The following IGFL4 variants were observed in gnomAD, a reference collection of about 807,000 sequenced individuals.
IGFL4 encodes the protein insulin growth factor-like family member 4.
IGFL4 carries 12 observed loss-of-function variants against 15.4 expected under a neutral mutation model. That is an observed-to-expected ratio of 0.78 (90% CI 0.50 to 1.26). IGFL4 has a LOEUF of 1.26. Among genes scored for constraint, IGFL4 ranks in the 50% most tolerant of loss-of-function variants. The pLI is 0.00. For synonymous variants in IGFL4, 54 were observed against 55.9 expected, an observed-to-expected ratio of 0.97 and a Z score of 0.16; for missense variants, 126 against 147.8, an observed-to-expected ratio of 0.85 and a Z score of 0.76.
chr19:46,058,418 C>G (rs1394799574), intron 2 of IGFL4: 1 of 152,344 alleles, frequency 6.6e-6, no homozygotes, highest in Non-Finnish European at 1.5e-5. Flanking sequence ...TGCTTTCACT[C>G]CTGGTGTTGA....
At chr19:46,055,901 C>T (rs942505628) in intron 2 of IGFL4, among the ~76,000 whole-genome samples, 4 of 152,210 alleles carry the variant, frequency 2.6e-5, no homozygotes, top group Admixed American at 6.5e-5. Context: ...CTCAGCCTCC[C>T]GAGTAGCTAG....
At chr19:46,074,221 TC>T (rs1969572945) in intron 1 of IGFL4, among the ~76,000 whole-genome samples, 1 of 151,682 alleles carries the variant, frequency 6.6e-6, no homozygotes, top group South Asian at 2.1e-4. Context: ...TTGGGCTTCC[TC>T]CCAAGAAATC....
At chr19:46,050,539 C>T (rs939518145) in intron 2 of IGFL4, among the ~76,000 whole-genome samples, 15 of 152,168 alleles carry the variant, frequency 9.9e-5, no homozygotes, top group African/African-American at 2.9e-4. Flanking sequence ...AAAGTCTCAG[C>T]GATAGAATCA....
At chr19:46,052,918 A>T (rs1404008682) in intron 2 of IGFL4, among the ~76,000 whole-genome samples, 1 of 121,502 alleles carries the variant, frequency 8.2e-6, no homozygotes, top group Non-Finnish European at 1.6e-5. Flanking sequence ...CAAACATCCC[A>T]GGGCTCGAAG....
intron 2 of IGFL4, among the ~76,000 whole-genome samples, chr19:46,048,648 G>A (rs776833842): frequency 1.2e-4 from 18 of 151,940 alleles, no homozygotes; most frequent in Non-Finnish European, 1.8e-4. Flanking sequence ...GCCAAATCAC[G>A]AATGAACTCT....
chr19:46,065,786 A>C (rs1216305720), intron 1 of IGFL4, among the ~76,000 whole-genome samples: 1 of 152,202 alleles, frequency 6.6e-6, no homozygotes, highest in Admixed American at 6.5e-5. Context: ...TTTTCTGTAG[A>C]ATCTGTTTCT....
At chr19:46,053,157 A>C (rs1969363266) in intron 2 of IGFL4, among the ~76,000 whole-genome samples, 1 of 152,108 alleles carries the variant, frequency 6.6e-6, no homozygotes, top group Non-Finnish European at 1.5e-5. Flanking sequence ...AGTCACTTAC[A>C]CTGCAATATA....
chr19:46,054,834 A>C lies in IGFL4; in HGVS notation c.-323+5351T>G, dbSNP rs527474382. 2.6e-5 allele frequency among the ~76,000 whole-genome samples: 4 copies of C among 152,346 alleles called. No individual in the cohort carries two copies. The East Asian group carries it at 7.7e-4, about 29-fold the overall frequency. On this transcript the variant is annotated intron_variant, in intron 2 of 5. Transcript: ENST00000601672. Reference sequence around the variant, plus strand: ...AGGAATAGAAGATCTATAGTCTTCAAAGTTGGAAGATAAAGGAAGATGGCC... The same window carrying C: ...AGGAATAGAAGATCTATAGTCTTCACAGTTGGAAGATAAAGGAAGATGGCC...
chr19:46,040,095 G>A lies in IGFL4; in HGVS notation c.330+62C>T. 1.9e-6 allele frequency: 3 copies of A among 1,598,114 alleles called. No homozygotes were observed. The African/African-American group carries it at 4.0e-5, about 21-fold the overall frequency. On this transcript the variant is annotated intron_variant, in intron 3 of 3. Transcript: ENST00000377697. The surrounding 1 kb of genome is among the most constrained non-coding windows in gnomAD (Gnocchi z 4.1). ...AGACTGCACATCTGGGTGGGACATG[G>A]ACAACCAAGCTCCATTCCCTACTCC... is the stretch of plus-strand genomic sequence containing the variant.
At chr19:46,061,707 A>G (rs767141645) in intron 1 of IGFL4, among the ~76,000 whole-genome samples, 1 of 152,160 alleles carries the variant, frequency 6.6e-6, no homozygotes, top group Non-Finnish European at 1.5e-5. Flanking sequence ...TAGGCAACCC[A>G]AAGTCAATCA....
chr19:46,039,730 G>A lies in IGFL4; in HGVS notation c.*162C>T, dbSNP rs916178700. ...GTGTATAAGAATGCTTGTGATTTTT[G>A]TACATTGATTTTGTATCCTGAGACT... On this transcript the variant is annotated 3_prime_UTR_variant, in exon 4 of 4. Transcript: ENST00000377697. 3 of 612,312 alleles carry A rather than the reference G, an allele frequency of 4.9e-6. No individual in the cohort carries two copies. Among genetic ancestry groups the A allele is most frequent in the East Asian group, 5.9e-5 (2 of 33,684 alleles). The allele number at this position is 612,312 out of a possible 1,614,324, so 37.9% of individuals were successfully genotyped here. A position where few individuals can be genotyped will look rare whatever the true frequency, so the allele number is the denominator to read the frequency against.
At chr19:46,041,837 C>CTTTTT (rs11334515), upstream of IGFL4, among the ~76,000 whole-genome samples, 1,572 of 109,778 alleles carry the variant, frequency 0.014, 53 homozygotes, top group African/African-American at 0.049. Flanking sequence ...TCCTCTCTCT[C>CTTTTT]TTTTTTTTTT....
intron 1 of IGFL4, among the ~76,000 whole-genome samples, chr19:46,061,953 C>G (rs1969449290): frequency 6.6e-6 from 1 of 152,190 alleles, no homozygotes; most frequent in South Asian, 2.1e-4. Flanking sequence ...TCCCCCAAAT[C>G]AAAACCATCA....
chr19:46,042,355 G>C (rs1355402092), upstream of IGFL4, among the ~76,000 whole-genome samples: 1 of 152,160 alleles, frequency 6.6e-6, no homozygotes, highest in Admixed American at 6.5e-5. Flanking sequence ...TGCGGAAACA[G>C]ACCTATAAGA....
chr19:46,053,297 C>A (rs1046350417), intron 2 of IGFL4, among the ~76,000 whole-genome samples: 9 of 152,298 alleles, frequency 5.9e-5, no homozygotes, highest in Non-Finnish European at 1.0e-4. Flanking sequence ...TCACTGCAAC[C>A]TCCACCTCCC....
chr19:46,042,167 C>A (rs797005634), upstream of IGFL4, among the ~76,000 whole-genome samples: 21 of 140,866 alleles, frequency 1.5e-4, no homozygotes, highest in African/African-American at 5.7e-4. Flanking sequence ...ACTGGATGTC[C>A]AAGTCTTCGG....
rs183510924 is a variant in IGFL4 at position 46,052,792 on chromosome 19, C to A, written c.-323+7393G>T. On this transcript the variant is annotated intron_variant, in intron 2 of 5. Coordinates refer to the IGFL4 transcript ENST00000601672. ...ATCAATTGCTTTGCAGACATGAAAA[C>A]TATTAACACATACTTAAAATGTACA... 1.0e-4 allele frequency among the ~76,000 whole-genome samples: 15 copies of A among 149,548 alleles called. No homozygotes were observed. The East Asian group carries it at 2.9e-3, about 29-fold the overall frequency.
chr19:46,077,549 C>G (rs1356037374), upstream of IGFL4, among the ~76,000 whole-genome samples: 1 of 152,218 alleles, frequency 6.6e-6, no homozygotes, highest in African/African-American at 2.4e-5. This position sits in a 1 kb window ranked among gnomAD's most constrained non-coding sequence, Gnocchi z 5.4. Flanking sequence ...GTGTCCAGAG[C>G]GTCTGGTAGT....
At chr19:46,067,580 T>C (rs577489172) in intron 1 of IGFL4, among the ~76,000 whole-genome samples, 23 of 152,340 alleles carry the variant, frequency 1.5e-4, no homozygotes, top group African/African-American at 5.1e-4. Flanking sequence ...ATAAGTCTCA[T>C]TGCCGACCCC....
Sources: gnomAD v4.1 joint callset for allele counts (sites outside exome capture counted in the v4.1 genomes callset) on GRCh38, gnomAD v4.1.1 for gene constraint, Gnocchi (gnomAD v3.1) non-coding constraint, MANE v1.5 for transcripts, NCBI Gene and HGNC (gene_info 2026-07-23, HGNC 2026-07-21) for gene names.